The following NMU variants were observed in gnomAD, a reference collection of about 807,000 sequenced individuals.
The protein encoded by NMU is neuromedin-U.
NMU carries 29 observed loss-of-function variants against 35.4 expected under a neutral mutation model. The observed-to-expected ratio is 0.82, with a 90% CI of 0.61 to 1.12. NMU has a LOEUF of 1.12. Among genes scored for constraint, NMU ranks in the 50% most tolerant of loss-of-function variants. The pLI is 0.00. For synonymous variants in NMU, 78 were observed against 81.3 expected, an observed-to-expected ratio of 0.96 and a Z score of 0.22; for missense variants, 199 against 206.2, an observed-to-expected ratio of 0.97 and a Z score of 0.21.
At position 55,600,524 on chromosome 4, in the gene NMU, T is replaced by C. The variant is rs754862415; in HGVS notation, c.487A>G (p.Arg163Gly). 2.5e-6 allele frequency: 4 copies of C among 1,602,660 alleles called. No individual in the cohort carries two copies. In the African/African-American group the frequency reaches 4.0e-5, roughly 16 times the overall value. The change falls in exon 8 of 10, where the codon AGG becomes GGG. Residue 163 changes from arginine to glycine, a missense_variant and splice_region_variant. Physicochemically the swap from Arg to Gly is moderately radical, Grantham distance 125 (BLOSUM62 -2). Coordinates refer to ENST00000264218, the MANE Select transcript of NMU (RefSeq NM_006681.4). ...TTAAAAATACAGTATGTACCTACCC[T>C]GAATAAAAAATATCCTCGACTTTGA... ...ASQSRGYFLFRPRNGRRSAGF... is the reference protein window; with the variant it reads ...ASQSRGYFLFGPRNGRRSAGF...
At chr4:55,633,136 A>G (rs1379341120) in intron 1 of NMU, among the ~76,000 whole-genome samples, 1 of 151,998 alleles carries the variant, frequency 6.6e-6, no homozygotes, top group Non-Finnish European at 1.5e-5. Flanking sequence ...GATCCTGGCT[A>G]ACATGGTGAA....
Position 55,600,522 on chromosome 4 carries a change from C to A in NMU, c.489G>T (p.Arg163Ser). Reference sequence around the variant, plus strand: ...TTTTAAAAATACAGTATGTACCTACCCTGAATAAAAAATATCCTCGACTTT... The same window carrying A: ...TTTTAAAAATACAGTATGTACCTACACTGAATAAAAAATATCCTCGACTTT... ...ASQSRGYFLF[R>S]PRNGRRSAGF... The change falls in exon 8 of 10, where the codon AGG (arginine) becomes AGT (serine). Residue 163 changes from arginine to serine, a missense_variant and splice_region_variant. Coordinates refer to ENST00000264218, the MANE Select transcript of NMU (RefSeq NM_006681.4). 6.2e-7 allele frequency: 1 copy of A among 1,600,130 alleles called. No homozygotes were observed. Among genetic ancestry groups the A allele is most frequent in the Non-Finnish European group, 8.6e-7 (1 of 1,167,940 alleles).
In NMU at chr4:55,603,924, AAAAT is replaced by A. The variant is rs1306324471; in HGVS notation, c.435+1347_435+1350del. ...AAGAGTCCGTCTCAAAAAAAAAAAA[AAAAT>A]ATATATATATATATATATGTATATA... On this transcript the variant is annotated intron_variant, in intron 7 of 9. Transcript: ENST00000264218. Among the ~76,000 whole-genome samples the A allele has an allele frequency of 4.0e-4, 21 of 52,218 alleles. 2 individuals are homozygous for A. The highest frequency in any genetic ancestry group is 8.1e-3 in the Middle Eastern group (1 of 124). The allele number at this position is 52,218 out of a possible 152,430, so 34.3% of individuals were successfully genotyped here. A position where few individuals can be genotyped will look rare whatever the true frequency, so the allele number is the denominator to read the frequency against.
chr4:55,617,670 T>C (rs910837639), intron 2 of NMU, among the ~76,000 whole-genome samples: 1 of 152,166 alleles, frequency 6.6e-6, no homozygotes, highest in Admixed American at 6.5e-5. Context: ...AGATAACCAT[T>C]TTAAAGCTCT....
At chr4:55,613,841 C>T (rs3805387) in intron 3 of NMU, among the ~76,000 whole-genome samples, 26,731 of 152,022 alleles carry the variant, frequency 0.18, 2,458 homozygotes, top group South Asian at 0.23. Flanking sequence ...ACACTTCACC[C>T]GGTTGCCTCC....
chr4:55,610,464 GAA>G (rs769375732), intron 3 of NMU, among the ~76,000 whole-genome samples: 4 of 132,398 alleles, frequency 3.0e-5, no homozygotes, highest in East Asian at 2.2e-4. Flanking sequence ...CTCTGTCTCA[GAA>G]AAAAAAAAAA....
At chr4:55,598,672 A>T (rs1234425277) in intron 9 of NMU, among the ~76,000 whole-genome samples, 1 of 152,216 alleles carries the variant, frequency 6.6e-6, no homozygotes, top group Non-Finnish European at 1.5e-5. Flanking sequence ...TATTCTCTAG[A>T]AACTGGTAAA....
chr4:55,615,734 C>T, intron 3 of NMU, among the ~76,000 whole-genome samples: 1 of 152,224 alleles, frequency 6.6e-6, no homozygotes, highest in South Asian at 2.1e-4. Flanking sequence ...TATTTCATCA[C>T]CCAGGTACTA....
At chr4:55,625,397 C>T (rs545737832) in intron 2 of NMU, among the ~76,000 whole-genome samples, 5 of 152,078 alleles carry the variant, frequency 3.3e-5, no homozygotes, top group African/African-American at 1.2e-4. Flanking sequence ...ACATTAATAT[C>T]TGTTATCTAA....
chr4:55,605,158 T>C lies in NMU; in HGVS notation c.435+117A>G, dbSNP rs113425634. On this transcript the variant is annotated intron_variant, in intron 7 of 9. Transcript: ENST00000264218. ...GATGCTCTTACATTGGCTAACTGGG[T>C]ATTAGTGTGGGCTTATCCTGAAGAG... The C allele has an allele frequency of 4.4e-3, 3,424 of 781,156 alleles. 13 individuals are homozygous for C. Among genetic ancestry groups the C allele is most frequent in the Non-Finnish European group, 6.6e-3 (2,849 of 429,046 alleles). The allele number at this position is 781,156 out of a possible 1,614,324, so 48.4% of individuals were successfully genotyped here. A position where few individuals can be genotyped will look rare whatever the true frequency, so the allele number is the denominator to read the frequency against.
At chr4:55,630,918 G>C (rs544409846) in intron 1 of NMU, among the ~76,000 whole-genome samples, 1 of 152,242 alleles carries the variant, frequency 6.6e-6, no homozygotes, top group Admixed American at 6.5e-5. Context: ...CACATTACTG[G>C]ACTTCAAATT....
At chr4:55,616,312 T>C in intron 3 of NMU, 26 bp downstream of exon 3, 2 of 1,578,964 alleles carry the variant, frequency 1.3e-6, no homozygotes. Flanking sequence ...CCTACATTAT[T>C]ACAAAATATC....
At chr4:55,616,300 C>T (rs1734106451) in intron 3 of NMU, 38 bp downstream of exon 3, 1 of 1,511,694 alleles carries the variant, frequency 6.6e-7, no homozygotes, top group South Asian at 1.1e-5. Flanking sequence ...ACTACACAAA[C>T]ACCTACATTA....
At chr4:55,617,501 T>TCC (rs1446391722) in intron 2 of NMU, among the ~76,000 whole-genome samples, 3 of 151,770 alleles carry the variant, frequency 2.0e-5, no homozygotes, top group African/African-American at 7.3e-5. Context: ...AAACCTGAAA[T>TCC]CATGGACACA....
intron 6 of NMU, among the ~76,000 whole-genome samples, chr4:55,606,764 A>C (rs1333556445): frequency 6.8e-6 from 1 of 146,746 alleles, no homozygotes; most frequent in Non-Finnish European, 1.5e-5. Context: ...TGCAACCTCC[A>C]CCTCCTGGGT....
intron 9 of NMU, among the ~76,000 whole-genome samples, chr4:55,596,176 T>C (rs1733172945): frequency 6.6e-6 from 1 of 152,052 alleles, no homozygotes. Context: ...TTAACCACTT[T>C]CTAAATAAAT....
intron 6 of NMU, among the ~76,000 whole-genome samples, chr4:55,606,270 T>C (rs943425158): frequency 1.3e-5 from 2 of 152,236 alleles, no homozygotes; most frequent in African/African-American, 2.4e-5. Context: ...AGTGTGGAAA[T>C]AGTATTATAG....
intron 1 of NMU, among the ~76,000 whole-genome samples, chr4:55,631,597 C>T (rs1404063679): frequency 6.6e-6 from 1 of 152,068 alleles, no homozygotes; most frequent in African/African-American, 2.4e-5. Context: ...CAGGGAAATG[C>T]AAATTAAAAC....
chr4:55,630,358 G>A (rs376375961), intron 2 of NMU, 44 bp downstream of exon 2: 1 of 1,383,844 alleles, frequency 7.2e-7, no homozygotes, highest in African/African-American at 1.4e-5. Flanking sequence ...TAATTTCAAA[G>A]AAGGGTAAAG....
Sources: allele counts gnomAD v4.1 joint callset (sites outside exome capture counted in the v4.1 genomes callset), GRCh38; gene constraint gnomAD v4.1.1; transcripts MANE v1.5; gene names NCBI Gene and HGNC (gene_info 2026-07-23, HGNC 2026-07-21).